HIP1: variants seen among roughly 807,000 people sequenced by gnomAD.
HIP1 encodes huntingtin interacting protein 1, also known as huntingtin-interacting protein 1.
In HIP1, 65 loss-of-function variants were observed where a neutral mutation model predicts 147.6. That is an observed-to-expected ratio of 0.44 (90% CI 0.36 to 0.54). The LOEUF is 0.54. Ranked by LOEUF, HIP1 falls within the 20% of genes least tolerant of loss-of-function variation. The probability of loss-of-function intolerance (pLI) is 0.00; values close to 1 mark genes in which losing one functional copy is unlikely to be tolerated. For synonymous variants in HIP1, 479 were observed against 504.0 expected, an observed-to-expected ratio of 0.95 and a Z score of 0.67; for missense variants, 1,061 against 1,299.6, an observed-to-expected ratio of 0.82 and a Z score of 2.82.
chr7:75,553,709 G>A (rs374168037), intron 21 of HIP1, 120 bp from the exon 22 acceptor site: 17 of 898,616 alleles, frequency 1.9e-5, no homozygotes, highest in East Asian at 2.7e-5. Context: ...GAGTTCAAGC[G>A]ATTCTCCTGC....
intron 1 of HIP1, among the ~76,000 whole-genome samples, chr7:75,694,393 A>T (rs1379921079): frequency 6.6e-6 from 1 of 151,958 alleles, no homozygotes; most frequent in Non-Finnish European, 1.5e-5. Flanking sequence ...GTTCTTGCAC[A>T]ACTTCATTTC....
chr7:75,691,928 CA>C lies in HIP1; in HGVS notation c.120+46872del, dbSNP rs1483907395. Among the ~76,000 whole-genome samples the C allele has an allele frequency of 5.9e-5, 9 of 151,828 alleles. 1 individual carries two copies. The South Asian group carries it at 1.5e-3, about 25-fold the overall frequency. Reference sequence around the variant, plus strand: ...TGTGATGGGCACTATGGTTTCTTTGCAGGGGGTGGGGAGGGGTGAAAGTATC... The same window carrying C: ...TGTGATGGGCACTATGGTTTCTTTGCGGGGGTGGGGAGGGGTGAAAGTATC... On this transcript the variant is annotated intron_variant, in intron 1 of 30. Coordinates refer to ENST00000336926, the MANE Select transcript of HIP1 (RefSeq NM_005338.7).
At chr7:75,729,419 C>T (rs904988710) in intron 1 of HIP1, among the ~76,000 whole-genome samples, 3 of 149,724 alleles carry the variant, frequency 2.0e-5, no homozygotes, top group African/African-American at 7.4e-5. Context: ...CCCAGGAATT[C>T]GAGGCTGCAG....
rs1417450886 is a variant in HIP1, at chr7:75,712,861, TTCAC to T, written c.120+25936_120+25939del. 4.6e-5 allele frequency among the ~76,000 whole-genome samples: 7 copies of T among 152,192 alleles called. No homozygotes were observed. In the South Asian group the frequency reaches 8.3e-4, roughly 18 times the overall value. On this transcript the variant is annotated intron_variant, in intron 1 of 30. Transcript: ENST00000336926. ...ATCCATTCATTTATATACTCCTTCA[TTCAC>T]TCACTCATTCATTCACTCATTCACT...
At chr7:75,643,190 A>G (rs1554510703) in intron 1 of HIP1, among the ~76,000 whole-genome samples, 1 of 152,240 alleles carries the variant, frequency 6.6e-6, no homozygotes, top group Non-Finnish European at 1.5e-5. Flanking sequence ...ATTAATTCCC[A>G]GTAATGATAT....
At chr7:75,596,185 C>A (rs1159988267) in intron 2 of HIP1, among the ~76,000 whole-genome samples, 2 of 130,280 alleles carry the variant, frequency 1.5e-5, no homozygotes, top group East Asian at 4.8e-4. Context: ...GAGCCTCCAA[C>A]TGATTGTGTC....
chr7:75,549,241 C>T (rs1554491669), intron 22 of HIP1, among the ~76,000 whole-genome samples: 1 of 152,118 alleles, frequency 6.6e-6, no homozygotes, highest in Non-Finnish European at 1.5e-5. Context: ...CCATCGCTGC[C>T]TCCCCCTGCA....
chr7:75,705,838 G>C (rs1471082506), intron 1 of HIP1, among the ~76,000 whole-genome samples: 2 of 152,088 alleles, frequency 1.3e-5, no homozygotes, highest in Non-Finnish European at 2.9e-5. Flanking sequence ...TCTTTTGGGT[G>C]TCTATCCAGA....
chr7:75,660,401 C>T (rs1799274594), intron 1 of HIP1, among the ~76,000 whole-genome samples: 1 of 151,994 alleles, frequency 6.6e-6, no homozygotes, highest in Non-Finnish European at 1.5e-5. Context: ...GTGGTGTGCA[C>T]CAGTGGTCCC....
At chr7:75,590,662 A>G (rs377091735) in intron 4 of HIP1, among the ~76,000 whole-genome samples, 24 of 152,380 alleles carry the variant, frequency 1.6e-4, no homozygotes, top group East Asian at 1.2e-3. Flanking sequence ...AATGTTATTT[A>G]TAAGTGTTAT....
intron 1 of HIP1, among the ~76,000 whole-genome samples, chr7:75,689,444 C>T (rs1800372596): frequency 1.3e-5 from 2 of 151,480 alleles, no homozygotes; most frequent in South Asian, 4.2e-4. Flanking sequence ...GGGGAGGTTG[C>T]AGTGAGCTGA....
intron 1 of HIP1, chr7:75,611,575 T>G: frequency 1.7e-6 from 1 of 571,802 alleles, no homozygotes; most frequent in Non-Finnish European, 2.3e-6. Context: ...GGACATCATT[T>G]GGTTCTGAAC....
At chr7:75,563,865 A>C (rs1259358900) in intron 9 of HIP1, among the ~76,000 whole-genome samples, 5 of 152,192 alleles carry the variant, frequency 3.3e-5, no homozygotes, top group African/African-American at 1.2e-4. Context: ...GTGGATATGC[A>C]CATGAAGAAA....
chr7:75,713,646 T>C (rs1801223656), intron 1 of HIP1, among the ~76,000 whole-genome samples: 1 of 151,608 alleles, frequency 6.6e-6, no homozygotes, highest in Non-Finnish European at 1.5e-5. Flanking sequence ...AAAGGCCTGG[T>C]GGGGCAAGGG....
chr7:75,544,393 T>C (rs1794456648), intron 27 of HIP1, among the ~76,000 whole-genome samples: 1 of 29,312 alleles, frequency 3.4e-5, no homozygotes, highest in African/African-American at 1.8e-4. Context: ...CCAAGTACCA[T>C]CTAACCTAGC....
At chr7:75,664,323 CACAT>C (rs1440144825) in intron 1 of HIP1, among the ~76,000 whole-genome samples, 1 of 142,172 alleles carries the variant, frequency 7.0e-6, no homozygotes, top group Non-Finnish European at 1.5e-5. Context: ...TGTATACATA[CACAT>C]GCATATATAT....
intron 1 of HIP1, among the ~76,000 whole-genome samples, chr7:75,650,123 T>C (rs1210977300): frequency 6.6e-6 from 1 of 152,146 alleles, no homozygotes; most frequent in Non-Finnish European, 1.5e-5. Flanking sequence ...TGGCGGGTTC[T>C]GGGAAGCAAA....
At chr7:75,637,977 A>AACCCCCCC (rs1798483924) in intron 1 of HIP1, among the ~76,000 whole-genome samples, 1 of 38,636 alleles carries the variant, frequency 2.6e-5, no homozygotes, top group Non-Finnish European at 4.8e-5. Flanking sequence ...GCAGACCCAG[A>AACCCCCCC]CCCCCCCCCC....
chr7:75,635,577 CAAA>C (rs144914669), intron 1 of HIP1, among the ~76,000 whole-genome samples: 6 of 69,796 alleles, frequency 8.6e-5, no homozygotes, highest in Non-Finnish European at 1.0e-4. Context: ...GACTCCATCT[CAAA>C]AAAAAAAAAA....
Sources: allele counts gnomAD v4.1 joint callset (sites outside exome capture counted in the v4.1 genomes callset), GRCh38; gene constraint gnomAD v4.1.1; transcripts MANE v1.5; gene names NCBI Gene and HGNC (gene_info 2026-07-23, HGNC 2026-07-21).